The following SCAPER variants were observed in gnomAD, a reference collection of about 807,000 sequenced individuals.
The protein encoded by SCAPER is S-phase cyclin A associated protein in the ER.
In SCAPER, 98 loss-of-function variants were observed where a neutral mutation model predicts 182.2. The observed-to-expected ratio is 0.54, with a 90% CI of 0.46 to 0.64. The LOEUF (loss-of-function observed/expected upper bound fraction) is 0.64, where lower values mean the gene tolerates loss of function less well. SCAPER is among the 30% of genes least tolerant of loss of function. The pLI is 0.00. For missense variants in SCAPER, 1,432 were observed against 1,690.0 expected (o/e 0.85, Z 2.68); for synonymous variants, 605 against 564.6 (o/e 1.07, Z -1.01).
At chr15:76,444,171 A>G (rs1445669518) in intron 25 of SCAPER, among the ~76,000 whole-genome samples, 1 of 152,160 alleles carries the variant, frequency 6.6e-6, no homozygotes, top group African/African-American at 2.4e-5. Context: ...ATGGGAAATC[A>G]TTGGGCATCC....
At chr15:76,692,795 A>G (rs2058447654) in intron 20 of SCAPER, among the ~76,000 whole-genome samples, 1 of 151,782 alleles carries the variant, frequency 6.6e-6, no homozygotes, top group South Asian at 2.1e-4. Context: ...AGAGGTAAAA[A>G]GGAAAAAAAA....
At chr15:76,708,785 G>C (rs1316706398) in intron 17 of SCAPER, among the ~76,000 whole-genome samples, 1 of 152,078 alleles carries the variant, frequency 6.6e-6, no homozygotes, top group Non-Finnish European at 1.5e-5. Flanking sequence ...AAAAGAGGAG[G>C]CTGGGCACGA....
chr15:76,376,623 T>C (rs1158912094), intron 28 of SCAPER, among the ~76,000 whole-genome samples: 1 of 152,196 alleles, frequency 6.6e-6, no homozygotes, highest in Non-Finnish European at 1.5e-5. Context: ...TATACAAATA[T>C]TCTTACTGGA....
intron 15 of SCAPER, among the ~76,000 whole-genome samples, chr15:76,746,100 G>A (rs2061779226): frequency 6.6e-6 from 1 of 152,162 alleles, no homozygotes; most frequent in African/African-American, 2.4e-5. Context: ...AAAAAATATA[G>A]TGTAACAGCA....
intron 23 of SCAPER, among the ~76,000 whole-genome samples, chr15:76,572,038 T>G (rs773730721): frequency 2.6e-5 from 4 of 152,194 alleles, no homozygotes; most frequent in Admixed American, 6.5e-5. Context: ...ACAGCAAGTT[T>G]CTGACACAGA....
chr15:76,819,653 C>A (rs925098359), intron 5 of SCAPER, among the ~76,000 whole-genome samples: 4 of 152,088 alleles, frequency 2.6e-5, no homozygotes, highest in African/African-American at 9.7e-5. Context: ...AGTAGAAAAA[C>A]CGGAAACTCT....
At chr15:76,887,276 T>C (rs563714234) in intron 1 of SCAPER, among the ~76,000 whole-genome samples, 4 of 152,300 alleles carry the variant, frequency 2.6e-5, no homozygotes, top group South Asian at 2.1e-4. Flanking sequence ...CCAACTGATG[T>C]ACCTGCTTAA....
At chr15:76,760,754 T>C (rs969559224) in intron 14 of SCAPER, among the ~76,000 whole-genome samples, 2 of 152,198 alleles carry the variant, frequency 1.3e-5, no homozygotes, top group Non-Finnish European at 2.9e-5. Context: ...AGAAGTTATC[T>C]GTTGGGAACC....
At chr15:76,502,924 C>T (rs2041262300) in intron 24 of SCAPER, among the ~76,000 whole-genome samples, 1 of 152,092 alleles carries the variant, frequency 6.6e-6, no homozygotes, top group African/African-American at 2.4e-5. Context: ...CTTCCATTTC[C>T]TAAACAAGAG....
At chr15:76,609,499 T>C (rs926894179) in intron 22 of SCAPER, among the ~76,000 whole-genome samples, 1 of 152,030 alleles carries the variant, frequency 6.6e-6, no homozygotes, top group Non-Finnish European at 1.5e-5. Context: ...AAGGTGTCAC[T>C]TAAAAAAAAA....
At position 76,499,521 on chromosome 15, in the gene SCAPER, T is replaced by C. The variant is rs1312752963; in HGVS notation, c.2954+5338A>G. ...ATCTGCTGGAGAAAGAATTCATTCA[T>C]ATAGTCACACAATATTGACTATGAT... On this transcript the variant is annotated intron_variant, in intron 24 of 31. Coordinates refer to ENST00000563290, the MANE Select transcript of SCAPER (RefSeq NM_020843.4). Among the ~76,000 whole-genome samples, 3 of 152,216 alleles carry C rather than the reference T, an allele frequency of 2.0e-5. 1 individual carries two copies. The East Asian group carries it at 5.8e-4, about 29-fold the overall frequency.
chr15:76,702,007 C>A (rs566380210), intron 19 of SCAPER, 142 bp from the exon 20 acceptor site: 114 of 518,584 alleles, frequency 2.2e-4, no homozygotes, highest in Non-Finnish European at 3.6e-4. Flanking sequence ...TTCCTCAGAA[C>A]ATAATTCTGA....
At chr15:76,760,206 C>T (rs1002852978) in intron 14 of SCAPER, among the ~76,000 whole-genome samples, 4 of 152,166 alleles carry the variant, frequency 2.6e-5, no homozygotes, top group Admixed American at 6.5e-5. Flanking sequence ...ACTTCAGATG[C>T]TAATCACAAG....
At chr15:76,877,612 A>G (rs62029244) in intron 2 of SCAPER, among the ~76,000 whole-genome samples, 1 of 152,356 alleles carries the variant, frequency 6.6e-6, no homozygotes, top group African/African-American at 2.4e-5. Flanking sequence ...CTGAGGACAC[A>G]TCGTCATTCG....
At chr15:76,445,489 C>A (rs2047935554) in intron 25 of SCAPER, among the ~76,000 whole-genome samples, 1 of 152,096 alleles carries the variant, frequency 6.6e-6, no homozygotes, top group African/African-American at 2.4e-5. Context: ...TGATGGGGGG[C>A]AGGGAGTGTC....
chr15:76,366,100 C>CAA (rs1343219317), intron 29 of SCAPER, among the ~76,000 whole-genome samples: 2 of 56,662 alleles, frequency 3.5e-5, no homozygotes, highest in Non-Finnish European at 6.4e-5. Context: ...CACACACACA[C>CAA]ACACACACAC....
chr15:76,763,175 T>C (rs2062897441), intron 14 of SCAPER, among the ~76,000 whole-genome samples: 2 of 152,170 alleles, frequency 1.3e-5, no homozygotes, highest in East Asian at 1.9e-4. Context: ...TCAATTTTCA[T>C]GTGTCTGGGA....
chr15:76,763,445 T>C (rs1423057802), intron 14 of SCAPER, among the ~76,000 whole-genome samples: 1 of 152,172 alleles, frequency 6.6e-6, no homozygotes, highest in East Asian at 1.9e-4. Flanking sequence ...AATTTAATTA[T>C]AATAAGTCTT....
Position 76,511,843 on chromosome 15 carries a change from A to ATGTGTGTGTG in SCAPER, c.2839-6879_2839-6870dup, listed in dbSNP as rs1555461783. Among the ~76,000 whole-genome samples the ATGTGTGTGTG allele has an allele frequency of 9.0e-3, 1,109 of 123,212 alleles. 18 individuals carry two copies. The highest frequency in any genetic ancestry group is 0.029 in the African/African-American group (858 of 29,752). 80.8% of individuals were successfully genotyped at this position (123,212 alleles called of 152,430 possible). A position where few individuals can be genotyped will look rare whatever the true frequency, so the allele number is the denominator to read the frequency against. ...AGATACACTTATTATATATATATAT[A>ATGTGTGTGTG]TGTGTGTGTGTGTGTGTGTGTGTGT... On this transcript the variant is annotated intron_variant, in intron 23 of 31. Transcript: ENST00000563290.
Sources: gnomAD v4.1 joint callset for allele counts (sites outside exome capture counted in the v4.1 genomes callset) on GRCh38, gnomAD v4.1.1 for gene constraint, MANE v1.5 for transcripts, NCBI Gene and HGNC (gene_info 2026-07-23, HGNC 2026-07-21) for gene names.